The following YWHAQ variants were observed in gnomAD, a reference collection of about 807,000 sequenced individuals.
YWHAQ encodes 14-3-3 protein theta.
In YWHAQ, 6 loss-of-function variants were observed where a neutral mutation model predicts 28.3. The observed-to-expected ratio is 0.21, with a 90% CI of 0.12 to 0.42. YWHAQ has a LOEUF of 0.42. Among genes scored for constraint, YWHAQ ranks in the 10% least tolerant of loss-of-function variants. The pLI is 1.00. For synonymous variants in YWHAQ, 143 were observed against 119.1 expected, an observed-to-expected ratio of 1.20 and a Z score of -1.31; for missense variants, 201 against 305.6, an observed-to-expected ratio of 0.66 and a Z score of 2.55.
chr2:9,606,136 A>T (rs1666823422), intron 2 of YWHAQ, among the ~76,000 whole-genome samples: 1 of 152,202 alleles, frequency 6.6e-6, no homozygotes, highest in Admixed American at 6.5e-5. Context: ...ACTATGCACC[A>T]AATGTACACT....
At chr2:9,608,413 C>T (rs575985014) in intron 2 of YWHAQ, among the ~76,000 whole-genome samples, 10 of 152,266 alleles carry the variant, frequency 6.6e-5, no homozygotes, top group African/African-American at 2.2e-4. Context: ...AAATCTACTT[C>T]CTGGGTTTTT....
At chr2:9,604,966 T>C (rs1161956552) in intron 2 of YWHAQ, among the ~76,000 whole-genome samples, 1 of 152,194 alleles carries the variant, frequency 6.6e-6, no homozygotes, top group Non-Finnish European at 1.5e-5. Context: ...ACATCAGCCA[T>C]GGCCTGGCAA....
intron 2 of YWHAQ, among the ~76,000 whole-genome samples, chr2:9,625,103 A>C (rs1667222939): frequency 6.6e-6 from 1 of 151,944 alleles, no homozygotes; most frequent in African/African-American, 2.4e-5. Context: ...TCTACCAAAA[A>C]TACAAAAAAT....
At chr2:9,606,041 C>T (rs1015119619) in intron 2 of YWHAQ, among the ~76,000 whole-genome samples, 3 of 152,088 alleles carry the variant, frequency 2.0e-5, no homozygotes, top group Non-Finnish European at 4.4e-5. Context: ...ACTATATGTA[C>T]AGTATTCTAC....
chr2:9,623,545 G>A (rs1667186631), intron 2 of YWHAQ, among the ~76,000 whole-genome samples: 1 of 152,108 alleles, frequency 6.6e-6, no homozygotes, highest in Non-Finnish European at 1.5e-5. Context: ...AAGCCGAGGC[G>A]GGAGGATCAC....
At chr2:9,616,296 C>CA (rs1313899827) in intron 2 of YWHAQ, among the ~76,000 whole-genome samples, 1 of 152,028 alleles carries the variant, frequency 6.6e-6, no homozygotes, top group African/African-American at 2.4e-5. Flanking sequence ...TTTCCTCACT[C>CA]CATATGCAAA....
chr2:9,603,223 C>T (rs1666749871), intron 2 of YWHAQ, among the ~76,000 whole-genome samples: 1 of 151,524 alleles, frequency 6.6e-6, no homozygotes, highest in Non-Finnish European at 1.5e-5. Context: ...TCATGAATGG[C>T]CTGACCAGTC....
chr2:9,608,478 G>A (rs1180375120), intron 2 of YWHAQ, among the ~76,000 whole-genome samples: 1 of 152,190 alleles, frequency 6.6e-6, no homozygotes, highest in African/African-American at 2.4e-5. Context: ...CTTCTGTGCA[G>A]GTGCTAGTCA....
intron 2 of YWHAQ, among the ~76,000 whole-genome samples, chr2:9,611,118 C>T (rs1054050877): frequency 1.3e-5 from 2 of 152,086 alleles, no homozygotes; most frequent in South Asian, 2.1e-4. Context: ...TTTTCTTGTC[C>T]GGGTTTGATA....
chr2:9,591,510 C>T lies in YWHAQ; in HGVS notation c.300G>A (p.Leu100=). Residue 100 remains leucine (L), a synonymous_variant, in exon 3 of 6, where the codon TTG becomes TTA. Coordinates refer to ENST00000238081, the MANE Select transcript of YWHAQ (RefSeq NM_006826.4). ...CATTGGCTATTAAATATTTATCCAA[C>T]AATTCCTGAAATAAATAAGACAGAA... is the stretch of plus-strand genomic sequence containing the variant. The part of the protein sequence containing the change: ...LRSICTTVLE[L]LDKYLIANAT... 1 of 1,607,474 alleles carries T rather than the reference C, an allele frequency of 6.2e-7. No individual in the cohort carries two copies. The highest frequency in any genetic ancestry group is 8.5e-7 in the Non-Finnish European group (1 of 1,174,958).
At chr2:9,587,334 A>C in intron 5 of YWHAQ, 80 bp downstream of exon 5, 1 of 1,304,370 alleles carries the variant, frequency 7.7e-7, no homozygotes, top group African/African-American at 1.5e-5. Context: ...TATCTTCCCT[A>C]AAAGACACGA....
intron 2 of YWHAQ, among the ~76,000 whole-genome samples, chr2:9,606,607 G>T (rs1002148686): frequency 3.3e-5 from 5 of 152,080 alleles, no homozygotes; most frequent in African/African-American, 1.2e-4. Flanking sequence ...TCGGCTCACT[G>T]CAACCTCCGC....
At chr2:9,629,951 G>A (rs945393867) in intron 2 of YWHAQ, among the ~76,000 whole-genome samples, 6 of 151,398 alleles carry the variant, frequency 4.0e-5, no homozygotes, top group African/African-American at 1.2e-4. Flanking sequence ...CATCTGGGGC[G>A]AAAAAAAAGG....
chr2:9,605,469 C>CT (rs941701816), intron 2 of YWHAQ, among the ~76,000 whole-genome samples: 13 of 152,120 alleles, frequency 8.5e-5, no homozygotes, highest in African/African-American at 2.9e-4. Flanking sequence ...TCAGGGAATA[C>CT]TTTTTTAAAA....
At chr2:9,607,781 G>A (rs1328030879) in intron 2 of YWHAQ, among the ~76,000 whole-genome samples, 2 of 144,086 alleles carry the variant, frequency 1.4e-5, no homozygotes, top group Non-Finnish European at 3.0e-5. Context: ...GCATAATCTC[G>A]GCTCACTGCA....
At chr2:9,618,076 A>C (rs1667070269) in intron 2 of YWHAQ, among the ~76,000 whole-genome samples, 1 of 152,210 alleles carries the variant, frequency 6.6e-6, no homozygotes, top group Admixed American at 6.5e-5. Flanking sequence ...TAGGGATAGA[A>C]AGCAGATTAG....
Position 9,588,312 on chromosome 2 carries a change from G to A in YWHAQ, c.435C>T (p.Ser145=). 1.2e-6 allele frequency: 2 copies of A among 1,609,026 alleles called. No individual in the cohort carries two copies. The highest frequency in any genetic ancestry group is 1.7e-6 in the Non-Finnish European group (2 of 1,178,796). The change falls in exon 4 of 6, where the codon TCC becomes TCT. Residue 145 remains serine (S), a synonymous_variant. Coordinates refer to ENST00000238081, the MANE Select transcript of YWHAQ (RefSeq NM_006826.4). ...GDDRKQTIDN[S]QGAYQEAFDI... is the part of the protein sequence containing the mutation. ...CAAATGCCTCTTGGTAAGCTCCTTG[G>A]GAATTATCTATCGTTTCTGTGAAGA...
At position 9,587,474 on chromosome 2, in the gene YWHAQ, C is replaced by T; in HGVS notation, c.618G>A (p.Leu206=). 6.2e-7 allele frequency: 1 copy of T among 1,610,520 alleles called. No homozygotes were observed. Residue 206 remains leucine (L), a synonymous_variant, in exon 5 of 6, where the codon CTG becomes CTA. Transcript: ENST00000238081. ...TGCTGTCTTTGTATGAGTCTTCATT[C>T]AGTGTATCAAGTTCAGCAATGGCCT... ...FDEAIAELDT[L]NEDSYKDSTL...
At chr2:9,615,782 G>A (rs1667029886) in intron 2 of YWHAQ, among the ~76,000 whole-genome samples, 1 of 152,104 alleles carries the variant, frequency 6.6e-6, no homozygotes, top group Admixed American at 6.5e-5. Flanking sequence ...TGTAAAGGAG[G>A]GCTCTACAAT....
Sources: gnomAD v4.1 joint callset for allele counts (sites outside exome capture counted in the v4.1 genomes callset) on GRCh38, gnomAD v4.1.1 for gene constraint, MANE v1.5 for transcripts, NCBI Gene and HGNC (gene_info 2026-07-23, HGNC 2026-07-21) for gene names.